Variants in ADGRL2 observed in about 807,000 individuals in gnomAD.
ADGRL2 encodes calcium-independent alpha-latrotoxin receptor 2.
In ADGRL2, 44 loss-of-function variants were observed where a neutral mutation model predicts 157.4. The ratio of observed to expected loss-of-function variants is 0.28; its 90% CI spans 0.22 to 0.36. The LOEUF (loss-of-function observed/expected upper bound fraction) is 0.36. Ranked by LOEUF, ADGRL2 falls within the 10% of genes least tolerant of loss-of-function variation. ADGRL2 has a pLI of 1.00. For synonymous variants in ADGRL2, 585 were observed against 624.7 expected, an observed-to-expected ratio of 0.94 and a Z score of 0.95; for missense variants, 1,510 against 1,768.9, an observed-to-expected ratio of 0.85 and a Z score of 2.63.
At chr1:81,371,663 G>A (rs2076162730) in intron 1 of ADGRL2, among the ~76,000 whole-genome samples, 1 of 152,126 alleles carries the variant, frequency 6.6e-6, no homozygotes, top group Non-Finnish European at 1.5e-5. Flanking sequence ...AAATCTCTGT[G>A]ATTGTTTTTA....
At position 81,966,516 on chromosome 1, in the gene ADGRL2, A is replaced by G. The variant is rs780379880; in HGVS notation, c.2256A>G (p.Ala752=). 1.2e-6 allele frequency: 2 copies of G among 1,613,964 alleles called. No homozygotes were observed. Among genetic ancestry groups the G allele is most frequent in the African/African-American group, 2.7e-5 (2 of 75,048 alleles). The change falls in exon 13 of 24, where the codon GCA becomes GCG. Residue 752 remains alanine (A), a synonymous_variant. Transcript: ENST00000686636. ...ADFIGRNSTI[A]VNSHVISVSI... ...TTATTGGTCGTAATAGCACCATTGC[A>G]GTGAACTCTCACGTCATTTCAGTTT...
rs746123611 is a variant in ADGRL2 at position 81,986,889 on chromosome 1, T to G, written c.3509-12T>G. 1 of 1,592,232 alleles carries G rather than the reference T, an allele frequency of 6.3e-7. No homozygotes were observed. The highest frequency in any genetic ancestry group is 8.5e-7 in the Non-Finnish European group (1 of 1,173,662). On this transcript the variant is annotated splice_polypyrimidine_tract_variant and intron_variant, in intron 21 of 23. Transcript: ENST00000686636. Reference sequence around the variant, plus strand: ...TTCTCTGTTTTTTTGTTGTTTTTTTTTTTTACTTTAGGAATGACTGGCAAT... The same window carrying G: ...TTCTCTGTTTTTTTGTTGTTTTTTTGTTTTACTTTAGGAATGACTGGCAAT...
intron 2 of ADGRL2, chr1:81,503,372 G>A (rs2078897665): frequency 7.4e-6 from 12 of 1,613,916 alleles, no homozygotes; most frequent in Non-Finnish European, 1.0e-5. Flanking sequence ...AGCCTCGGCA[G>A]CAGCGCCAGC....
At chr1:81,955,228 G>T (rs1653115661) in intron 10 of ADGRL2, among the ~76,000 whole-genome samples, 1 of 152,020 alleles carries the variant, frequency 6.6e-6, no homozygotes, top group African/African-American at 2.4e-5. Flanking sequence ...CCCTTTAAAA[G>T]CAGATCATTG....
chr1:81,433,057 T>C (rs1426149056), intron 1 of ADGRL2, among the ~76,000 whole-genome samples: 1 of 152,158 alleles, frequency 6.6e-6, no homozygotes, highest in Admixed American at 6.5e-5. Flanking sequence ...TGTTTAATGC[T>C]ATCAGGCTAC....
intron 3 of ADGRL2, among the ~76,000 whole-genome samples, chr1:81,679,889 A>G (rs903240278): frequency 7.9e-5 from 12 of 152,188 alleles, no homozygotes; most frequent in African/African-American, 2.9e-4. Flanking sequence ...GGAACCTCGT[A>G]AAATGGTTCT....
chr1:81,986,765 C>G, intron 21 of ADGRL2, 136 bp from the exon 22 acceptor site: 1 of 786,116 alleles, frequency 1.3e-6, no homozygotes, highest in Non-Finnish European at 2.0e-6. Flanking sequence ...CAGAACATTT[C>G]AACAGATTTT....
At chr1:81,475,520 T>C (rs1281768074) in intron 2 of ADGRL2, among the ~76,000 whole-genome samples, 1 of 152,204 alleles carries the variant, frequency 6.6e-6, no homozygotes, top group Non-Finnish European at 1.5e-5. Flanking sequence ...ATACCTATTT[T>C]ACTATGTTAC....
In ADGRL2 at chr1:81,637,677, C is replaced by T. The variant is rs988806245; in HGVS notation, c.-143+56697C>T. Among the ~76,000 whole-genome samples, 8 of 152,078 alleles carry T rather than the reference C, an allele frequency of 5.3e-5. No homozygotes were observed. In the East Asian group the frequency reaches 1.5e-3, roughly 29 times the overall value. On this transcript the variant is annotated intron_variant, in intron 3 of 24. Coordinates refer to the ADGRL2 transcript ENST00000370721. ...ATTCTTAGAAATAATTATTTTTAGA[C>T]AATTGCGTGGAATTTTGAAGAAACA... is the stretch of plus-strand genomic sequence containing the variant.
At chr1:81,493,157 T>C (rs1476401080) in intron 2 of ADGRL2, among the ~76,000 whole-genome samples, 1 of 152,176 alleles carries the variant, frequency 6.6e-6, no homozygotes, top group African/African-American at 2.4e-5. Context: ...AACAGGTTTG[T>C]GAAATGTATT....
intron 2 of ADGRL2, among the ~76,000 whole-genome samples, chr1:81,785,909 C>T (rs898945491): frequency 6.6e-6 from 1 of 151,752 alleles, no homozygotes; most frequent in Non-Finnish European, 1.5e-5. Context: ...GAGTTTGCAA[C>T]CAGCCTGGAC....
At chr1:81,746,979 C>T (rs140777074) in intron 1 of ADGRL2, among the ~76,000 whole-genome samples, 273 of 123,334 alleles carry the variant, frequency 2.2e-3, no homozygotes, top group African/African-American at 2.9e-3. Flanking sequence ...CGTATACACA[C>T]GTGTGTATAT....
At chr1:81,359,526 T>C (rs1285324254) in intron 1 of ADGRL2, among the ~76,000 whole-genome samples, 3 of 152,054 alleles carry the variant, frequency 2.0e-5, no homozygotes, top group Non-Finnish European at 4.4e-5. Context: ...GTATTCAGTA[T>C]ACAGCATTAA....
intron 1 of ADGRL2, among the ~76,000 whole-genome samples, chr1:81,423,373 T>C (rs2077159337): frequency 6.6e-6 from 1 of 152,198 alleles, no homozygotes; most frequent in Non-Finnish European, 1.5e-5. Context: ...CCCAGGACAC[T>C]TTCTAGAACA....
intron 2 of ADGRL2, among the ~76,000 whole-genome samples, chr1:81,470,800 T>C (rs1011178672): frequency 4.6e-5 from 7 of 152,220 alleles, no homozygotes; most frequent in African/African-American, 1.7e-4. Flanking sequence ...AAATTTCAGT[T>C]GTCACATAGT....
upstream of ADGRL2, among the ~76,000 whole-genome samples, chr1:81,798,930 A>G (rs1275632345): frequency 6.6e-6 from 1 of 152,128 alleles, no homozygotes; most frequent in Non-Finnish European, 1.5e-5. Flanking sequence ...AATGGTGCCC[A>G]GATGAGTGAA....
intron 1 of ADGRL2, among the ~76,000 whole-genome samples, chr1:81,370,330 T>C (rs1260611411): frequency 6.6e-6 from 1 of 152,138 alleles, no homozygotes; most frequent in African/African-American, 2.4e-5. Context: ...AACGATTAAA[T>C]CATTGTTGGA....
chr1:81,610,399 G>C (rs1444518698), intron 3 of ADGRL2, among the ~76,000 whole-genome samples: 1 of 152,100 alleles, frequency 6.6e-6, no homozygotes, highest in Non-Finnish European at 1.5e-5. Flanking sequence ...AAATGCAAAA[G>C]TGAGCTTGAT....
chr1:81,799,397 AG>A (rs1352392565), upstream of ADGRL2, among the ~76,000 whole-genome samples: 2 of 152,214 alleles, frequency 1.3e-5, no homozygotes, highest in Non-Finnish European at 2.9e-5. Context: ...AGAAGAAATT[AG>A]ATTATCAAAG....
Sources: allele counts gnomAD v4.1 joint callset (sites outside exome capture counted in the v4.1 genomes callset), GRCh38; gene constraint gnomAD v4.1.1; transcripts MANE v1.5; gene names NCBI Gene and HGNC (gene_info 2026-07-23, HGNC 2026-07-21).